The following HHAT variants were observed in gnomAD, a reference collection of about 807,000 sequenced individuals.
HHAT encodes hedgehog acyltransferase.
Under a neutral mutation model 70.8 loss-of-function variants are expected in HHAT, and 47 were observed. The observed-to-expected ratio is 0.66, with a 90% CI of 0.53 to 0.85. The LOEUF is 0.85. HHAT is among the 40% of genes least tolerant of loss of function. The probability of loss-of-function intolerance (pLI) is 0.00; values close to 1 mark genes in which losing one functional copy is unlikely to be tolerated. For synonymous variants in HHAT, 228 were observed against 247.6 expected, an observed-to-expected ratio of 0.92 and a Z score of 0.74; for missense variants, 609 against 604.8, an observed-to-expected ratio of 1.01 and a Z score of -0.07.
intron 7 of HHAT, among the ~76,000 whole-genome samples, chr1:210,423,355 C>T (rs1304417612): frequency 6.6e-6 from 1 of 152,000 alleles, no homozygotes; most frequent in East Asian, 1.9e-4. Context: ...ATTTATTGAC[C>T]ATTTCTTTTG....
chr1:210,597,798 T>G (rs4405138), intron 10 of HHAT, among the ~76,000 whole-genome samples: 146,605 of 152,064 alleles, frequency 0.96, 70,893 homozygotes, highest in East Asian at 1. Context: ...GGGACCCCAA[T>G]AGCCTACTCG....
rs548394315 is a variant in HHAT at position 210,660,259 on chromosome 1, A to G, written c.1391-14029A>G. Reference sequence around the variant, plus strand: ...AATGTGCAAAAATCACAGCATTCCTATACACCAATAACAGACAAACAGAGA... The same window carrying G: ...AATGTGCAAAAATCACAGCATTCCTGTACACCAATAACAGACAAACAGAGA... On this transcript the variant is annotated intron_variant, in intron 11 of 11. Transcript: ENST00000261458. 4.4e-4 allele frequency among the ~76,000 whole-genome samples: 67 copies of G among 152,296 alleles called. 1 individual carries two copies. Among genetic ancestry groups the G allele is most frequent in the Admixed American group, 1.2e-3 (18 of 15,296 alleles).
chr1:210,664,516 G>C (rs181652509), intron 11 of HHAT, among the ~76,000 whole-genome samples: 26 of 152,344 alleles, frequency 1.7e-4, no homozygotes, highest in Non-Finnish European at 3.8e-4. Context: ...TCCAGATCCG[G>C]TGTCAGCACC....
intron 11 of HHAT, among the ~76,000 whole-genome samples, chr1:210,642,353 G>T (rs1222802269): frequency 6.6e-6 from 1 of 152,106 alleles, no homozygotes; most frequent in African/African-American, 2.4e-5. Context: ...TAAAAACCTT[G>T]TACATATTTC....
At chr1:210,652,258 TTA>T (rs1675315252) in intron 11 of HHAT, among the ~76,000 whole-genome samples, 1 of 152,164 alleles carries the variant, frequency 6.6e-6, no homozygotes, top group Admixed American at 6.5e-5. Context: ...AAACAAATTC[TTA>T]TCTCTAGCTC....
chr1:210,584,712 C>A (rs139561743), intron 9 of HHAT, among the ~76,000 whole-genome samples: 3 of 152,350 alleles, frequency 2.0e-5, no homozygotes, highest in African/African-American at 7.2e-5. Flanking sequence ...CTTCGCCCTT[C>A]AGCCTCCTTT....
In HHAT at chr1:210,329,089, C is replaced by T; in HGVS notation, c.-59C>T. 2 of 1,409,160 alleles carry T rather than the reference C, an allele frequency of 1.4e-6. No homozygotes were observed. The highest frequency in any genetic ancestry group is 1.9e-6 in the Non-Finnish European group (2 of 1,080,238). The allele number at this position is 1,409,160 out of a possible 1,614,324, so 87.3% of individuals were successfully genotyped here. On this transcript the variant is annotated 5_prime_UTR_variant, in exon 1 of 12. Coordinates refer to ENST00000261458, the MANE Select transcript of HHAT (RefSeq NM_018194.6). ...GCGTGAACGTTGCCGTCGCCGCCGC[C>T]CGGGACAGCCCGGAGGTTGGTAACT...
intron 11 of HHAT, among the ~76,000 whole-genome samples, chr1:210,672,971 C>T (rs886555143): frequency 1.2e-4 from 19 of 152,138 alleles, no homozygotes; most frequent in Non-Finnish European, 1.6e-4. Context: ...TTGTAAATGC[C>T]TACATTTCAC....
chr1:210,359,489 C>T (rs1196521978), intron 2 of HHAT, among the ~76,000 whole-genome samples: 3 of 152,110 alleles, frequency 2.0e-5, no homozygotes, highest in African/African-American at 2.4e-5. Flanking sequence ...CCACCCAGAT[C>T]GATGAACTGG....
intron 8 of HHAT, among the ~76,000 whole-genome samples, chr1:210,499,043 C>T (rs949941045): frequency 6.6e-6 from 1 of 152,202 alleles, no homozygotes; most frequent in Admixed American, 6.5e-5. Context: ...GCTGGGATTA[C>T]AGGCATGAAC....
intron 8 of HHAT, among the ~76,000 whole-genome samples, chr1:210,503,778 C>T (rs931706294): frequency 1.3e-5 from 2 of 150,530 alleles, no homozygotes; most frequent in African/African-American, 4.8e-5. Flanking sequence ...TTGCCGGTGA[C>T]CTTTCATTTG....
chr1:210,540,319 TA>T (rs1239807769), intron 9 of HHAT, among the ~76,000 whole-genome samples: 1 of 152,210 alleles, frequency 6.6e-6, no homozygotes, highest in Non-Finnish European at 1.5e-5. Context: ...CAGTTTAATA[TA>T]GTGACAACAA....
chr1:210,498,695 G>C (rs867034968), intron 8 of HHAT, among the ~76,000 whole-genome samples: 5 of 151,626 alleles, frequency 3.3e-5, no homozygotes, highest in Admixed American at 2.6e-4. Flanking sequence ...AAAAGCAACT[G>C]TTGGCATAGT....
At chr1:210,332,979 G>A (rs1379169889) in intron 1 of HHAT, among the ~76,000 whole-genome samples, 9 of 152,156 alleles carry the variant, frequency 5.9e-5, no homozygotes, top group Non-Finnish European at 1.2e-4. Context: ...CCAAAACTGT[G>A]ACTGAGACAA....
At chr1:210,641,782 T>C (rs904922293) in intron 11 of HHAT, among the ~76,000 whole-genome samples, 9 of 152,192 alleles carry the variant, frequency 5.9e-5, no homozygotes, top group African/African-American at 1.9e-4. Flanking sequence ...CCTGGGTTGA[T>C]TGTGTTATGA....
chr1:210,347,054 AGC>A (rs2086582412), intron 1 of HHAT, among the ~76,000 whole-genome samples: 1 of 152,234 alleles, frequency 6.6e-6, no homozygotes, highest in Non-Finnish European at 1.5e-5. Context: ...ATCTACTCTT[AGC>A]ACTTTTCAAG....
intron 10 of HHAT, among the ~76,000 whole-genome samples, chr1:210,617,294 A>G (rs1667947115): frequency 6.6e-6 from 1 of 152,246 alleles, no homozygotes; most frequent in Non-Finnish European, 1.5e-5. Context: ...AATGGGATCC[A>G]GTTTAAAATG....
intron 10 of HHAT, among the ~76,000 whole-genome samples, chr1:210,591,220 C>T (rs1661621078): frequency 6.6e-6 from 1 of 152,098 alleles, no homozygotes; most frequent in Non-Finnish European, 1.5e-5. Flanking sequence ...CCCTTCCAAG[C>T]CTCTGGTCAT....
At chr1:210,452,544 A>G (rs1421093267) in intron 7 of HHAT, among the ~76,000 whole-genome samples, 2 of 152,258 alleles carry the variant, frequency 1.3e-5, no homozygotes, top group Non-Finnish European at 2.9e-5. Context: ...CTTATTATCT[A>G]TGAATATTTC....
Sources: allele counts gnomAD v4.1 joint callset (sites outside exome capture counted in the v4.1 genomes callset), GRCh38; gene constraint gnomAD v4.1.1; transcripts MANE v1.5; gene names NCBI Gene and HGNC (gene_info 2026-07-23, HGNC 2026-07-21).